The following ABCB4 variants were observed in gnomAD, a reference collection of about 807,000 sequenced individuals.
ABCB4 encodes the protein phosphatidylcholine translocator ABCB4.
ABCB4 carries 76 observed loss-of-function variants against 145.7 expected under a neutral mutation model. The ratio of observed to expected loss-of-function variants is 0.52; its 90% CI spans 0.43 to 0.63. The LOEUF (loss-of-function observed/expected upper bound fraction) is 0.63. ABCB4 is among the 30% of genes least tolerant of loss of function. The probability of loss-of-function intolerance (pLI) is 0.00; values close to 1 mark genes in which losing one functional copy is unlikely to be tolerated. For missense variants in ABCB4, 1,234 were observed against 1,553.1 expected, an observed-to-expected ratio of 0.79 and a Z score of 3.45; for synonymous variants, 517 against 566.8, an observed-to-expected ratio of 0.91 and a Z score of 1.25.
chr7:87,462,971 T>C, intron 3 of ABCB4, 63 bp from the exon 4 acceptor site: 1 of 1,454,462 alleles, frequency 6.9e-7, no homozygotes, highest in South Asian at 1.2e-5. Context: ...TCCATAATTA[T>C]ATATTCTTTG....
rs191869376 is a variant in ABCB4 at position 87,465,681 on chromosome 7, G to A, written c.136-2773C>T. Among the ~76,000 whole-genome samples the A allele has an allele frequency of 4.6e-5, 7 of 152,246 alleles. No individual in the cohort carries two copies. The East Asian group carries it at 7.7e-4, about 17-fold the overall frequency. On this transcript the variant is annotated intron_variant, in intron 3 of 27. Coordinates refer to ENST00000649586, the MANE Select transcript of ABCB4 (RefSeq NM_000443.4). ...GGGCAGACTGACACCTCACATGGCC[G>A]GGCAGCCCTCTGAGACGAAACTTCC...
chr7:87,389,861 C>T, the ABCB4 span, among the ~76,000 whole-genome samples: 1 of 152,008 alleles, frequency 6.6e-6, no homozygotes. Flanking sequence ...TTGCCAGAAA[C>T]TAGCTCATCA....
intron 4 of ABCB4, among the ~76,000 whole-genome samples, chr7:87,457,138 G>T (rs551314325): frequency 6.6e-6 from 1 of 152,138 alleles, no homozygotes. Context: ...AGTGCCCCCC[G>T]CCAGGCCCGG....
At chr7:87,431,613 T>G in intron 14 of ABCB4, 48 bp from the exon 15 acceptor site, 2 of 1,610,752 alleles carry the variant, frequency 1.2e-6, no homozygotes, top group African/African-American at 1.3e-5. Flanking sequence ...ATTGGCACAC[T>G]GTCAATTAAC....
At chr7:87,368,013 A>T in the ABCB4 span, among the ~76,000 whole-genome samples, 4 of 152,082 alleles carry the variant, frequency 2.6e-5, no homozygotes, top group Non-Finnish European at 4.4e-5. Context: ...TTTCCTTCCC[A>T]TCATACTGGA....
chr7:87,413,747 G>A (rs772746804), intron 21 of ABCB4, 30 bp from the exon 22 acceptor site: 9 of 1,434,480 alleles, frequency 6.3e-6, no homozygotes, highest in Non-Finnish European at 4.9e-6. Context: ...TTCATTAGAA[G>A]TGGTGTTTTC....
At chr7:87,436,310 C>T (rs1181253977) in intron 14 of ABCB4, among the ~76,000 whole-genome samples, 1 of 150,534 alleles carries the variant, frequency 6.6e-6, no homozygotes, top group African/African-American at 2.4e-5. Context: ...GCCTAGTGGA[C>T]ACTTTCAGCT....
downstream of ABCB4, chr7:87,398,479 T>C: frequency 6.2e-7 from 1 of 1,608,926 alleles, no homozygotes; most frequent in Non-Finnish European, 8.5e-7. Flanking sequence ...CCATCACTAT[T>C]TGGAGCCTTT....
chr7:87,436,145 A>C (rs1297284347), intron 14 of ABCB4, among the ~76,000 whole-genome samples: 1 of 152,172 alleles, frequency 6.6e-6, no homozygotes, highest in Non-Finnish European at 1.5e-5. Context: ...CTAAAGAATG[A>C]GCTACTTGGT....
At chr7:87,421,996 G>T (rs1584704725) in intron 18 of ABCB4, 125 bp downstream of exon 18, 1 of 726,200 alleles carries the variant, frequency 1.4e-6, no homozygotes, top group East Asian at 2.7e-5. Flanking sequence ...CCCTCCAGCA[G>T]AGCCTTATGC....
downstream of ABCB4, among the ~76,000 whole-genome samples, chr7:87,400,863 G>C (rs749000781): frequency 6.6e-6 from 1 of 152,160 alleles, no homozygotes; most frequent in Non-Finnish European, 1.5e-5. Flanking sequence ...GCGTATTTTG[G>C]AGACTGCATC....
Position 87,412,053 on chromosome 7 carries a change from A to G in ABCB4, c.2784-20T>C, listed in dbSNP as rs1325813320. On this transcript the variant is annotated intron_variant, in intron 22 of 27. Coordinates refer to ENST00000649586, the MANE Select transcript of ABCB4 (RefSeq NM_000443.4). ...GAATTCCTGAAAAGCAAATCAGTAT[A>G]CTTGTAACCATCTCTTCAGCCTCCT... 5 of 1,613,154 alleles carry G rather than the reference A, an allele frequency of 3.1e-6. No individual in the cohort carries two copies. The highest frequency in any genetic ancestry group is 4.2e-6 in the Non-Finnish European group (5 of 1,179,390).
intron 21 of ABCB4, among the ~76,000 whole-genome samples, chr7:87,414,284 G>A (rs1808822181): frequency 6.6e-6 from 1 of 152,172 alleles, no homozygotes; most frequent in Non-Finnish European, 1.5e-5. Context: ...TTGGTTTCCT[G>A]GCCCTGGACA....
the ABCB4 span, among the ~76,000 whole-genome samples, chr7:87,385,285 AG>A: frequency 6.6e-6 from 1 of 152,168 alleles, no homozygotes; most frequent in East Asian, 1.9e-4. Flanking sequence ...TGCTTTGGGT[AG>A]GATGGACATT....
chr7:87,367,303 G>A, the ABCB4 span, among the ~76,000 whole-genome samples: 1 of 152,164 alleles, frequency 6.6e-6, no homozygotes, highest in African/African-American at 2.4e-5. Context: ...TTTGAAGATG[G>A]AAGAAGGGGT....
chr7:87,366,813 T>A, the ABCB4 span, among the ~76,000 whole-genome samples: 1 of 152,164 alleles, frequency 6.6e-6, no homozygotes, highest in Non-Finnish European at 1.5e-5. Flanking sequence ...AGATACCTAC[T>A]CTAGCAATTT....
the ABCB4 span, among the ~76,000 whole-genome samples, chr7:87,376,139 ATTGT>A: frequency 6.6e-6 from 1 of 152,030 alleles, no homozygotes; most frequent in Non-Finnish European, 1.5e-5. Flanking sequence ...TCCTTGCCAC[ATTGT>A]TTAAGTTTGT....
In ABCB4 at chr7:87,453,052, C is replaced by T. The variant is rs1811859962; in HGVS notation, c.428G>A (p.Gly143Asp). 1 of 1,613,990 alleles carries T rather than the reference C, an allele frequency of 6.2e-7. No homozygotes were observed. ...IQVSFWTLAAGRQIRKIRQKF... is the reference protein window; with the variant it reads ...IQVSFWTLAADRQIRKIRQKF... ...CTGCCTAATTTTCCTGATCTGTCGA[C>T]CAGCTGCCAAAGTCCAAAATGAAAC... Residue 143 changes from glycine to aspartate, a missense_variant, in exon 6 of 28, where the codon GGT (glycine) becomes GAT (aspartate). Gly to Asp is a moderately conservative substitution (Grantham distance 94, BLOSUM62 -1). Coordinates refer to ENST00000649586, the MANE Select transcript of ABCB4 (RefSeq NM_000443.4).
chr7:87,432,451 T>C (rs1219833122), intron 14 of ABCB4, among the ~76,000 whole-genome samples: 1 of 152,294 alleles, frequency 6.6e-6, no homozygotes, highest in East Asian at 1.9e-4. Flanking sequence ...AGATTCATAA[T>C]AGGCAAAAAG....
Sources: allele counts gnomAD v4.1 joint callset (sites outside exome capture counted in the v4.1 genomes callset), GRCh38; gene constraint gnomAD v4.1.1; transcripts MANE v1.5; gene names NCBI Gene and HGNC (gene_info 2026-07-23, HGNC 2026-07-21).